The following KDM7A variants were observed in gnomAD, a reference collection of about 807,000 sequenced individuals.
KDM7A encodes the protein lysine demethylase 7A, also known as lysine-specific demethylase 7A.
A neutral mutation model predicts 114.8 loss-of-function variants in KDM7A; 28 were observed. The ratio of observed to expected loss-of-function variants is 0.24; its 90% CI spans 0.18 to 0.33. The LOEUF (loss-of-function observed/expected upper bound fraction) is 0.33, where lower values mean the gene tolerates loss of function less well. Ranked by LOEUF, KDM7A falls within the 10% of genes least tolerant of loss-of-function variation. KDM7A has a pLI of 1.00. For synonymous variants in KDM7A, 423 were observed against 397.8 expected, an observed-to-expected ratio of 1.06 and a Z score of -0.75; for missense variants, 942 against 1,142.5, an observed-to-expected ratio of 0.82 and a Z score of 2.53.
intron 1 of KDM7A, among the ~76,000 whole-genome samples, chr7:140,166,527 G>A (rs567288814): frequency 9.9e-5 from 15 of 151,684 alleles, no homozygotes; most frequent in East Asian, 1.9e-4. Flanking sequence ...TTTTGTAGAC[G>A]GAGGCTCGTC....
Position 140,088,429 on chromosome 7 carries a change from A to G in KDM7A, c.*2665T>C, listed in dbSNP as rs1392778818. The G allele has an allele frequency of 2.5e-6, 1 of 397,986 alleles. No individual in the cohort carries two copies. The highest frequency in any genetic ancestry group is 2.1e-5 in the African/African-American group (1 of 48,602). 24.7% of individuals were successfully genotyped at this position (397,986 alleles called of 1,614,324 possible). A position where few individuals can be genotyped will look rare whatever the true frequency, so the allele number is the denominator to read the frequency against. ...ATAATTCTCAATTTTACATATTTGT[A>G]TTTGGTTACAACTAGCTAAATGCTA... On this transcript the variant is annotated 3_prime_UTR_variant, in exon 20 of 20. Coordinates refer to ENST00000397560, the MANE Select transcript of KDM7A (RefSeq NM_030647.2).
chr7:140,151,792 C>T (rs947070410), intron 1 of KDM7A, among the ~76,000 whole-genome samples: 26 of 152,124 alleles, frequency 1.7e-4, no homozygotes, highest in African/African-American at 6.3e-4. Flanking sequence ...TAAATAGGAT[C>T]TTTAAAAGAT....
At chr7:140,100,711 C>CGT (rs1818200108) in intron 12 of KDM7A, among the ~76,000 whole-genome samples, 3 of 56,984 alleles carry the variant, frequency 5.3e-5, no homozygotes, top group South Asian at 6.7e-4. Flanking sequence ...TATATATACA[C>CGT]ATATATATAT....
Position 140,084,854 on chromosome 7 carries a change from A to G in KDM7A, c.*6240T>C, listed in dbSNP as rs1817896601. 6.6e-6 allele frequency: 1 copy of G among 152,194 alleles called. No individual in the cohort carries two copies. Among genetic ancestry groups the G allele is most frequent in the South Asian group, 2.1e-4 (1 of 4,836 alleles). The allele number at this position is 152,194 out of a possible 1,614,324, so 9.4% of individuals were successfully genotyped here. A position where few individuals can be genotyped will look rare whatever the true frequency, so the allele number is the denominator to read the frequency against. On this transcript the variant is annotated 3_prime_UTR_variant, in exon 20 of 20. Coordinates refer to ENST00000397560, the MANE Select transcript of KDM7A (RefSeq NM_030647.2). ...AAAAAATACACTAAGTGCTAAAAAAATCAAAACAGAAGTAATACAATTTTA... is the reference window on the plus strand; with the variant it reads ...AAAAAATACACTAAGTGCTAAAAAAGTCAAAACAGAAGTAATACAATTTTA...
At chr7:140,169,451 A>C (rs1418693200) in intron 1 of KDM7A, among the ~76,000 whole-genome samples, 1 of 152,178 alleles carries the variant, frequency 6.6e-6, no homozygotes, top group Non-Finnish European at 1.5e-5. Context: ...GGATGATCAG[A>C]AAACTCGATT....
intron 2 of KDM7A, among the ~76,000 whole-genome samples, chr7:140,134,683 T>C (rs948851403): frequency 2.0e-5 from 3 of 152,156 alleles, no homozygotes; most frequent in Admixed American, 1.3e-4. Flanking sequence ...GACAGCAGAA[T>C]AGTTACATGG....
chr7:140,151,778 G>C (rs1363831241), intron 1 of KDM7A, among the ~76,000 whole-genome samples: 1 of 152,108 alleles, frequency 6.6e-6, no homozygotes, highest in Non-Finnish European at 1.5e-5. Flanking sequence ...GATTATAAAT[G>C]AAATAAATAG....
At position 140,127,537 on chromosome 7, in the gene KDM7A, G is replaced by A. The variant is rs1401752743; in HGVS notation, c.606C>T (p.Asp202=). 1 of 1,613,618 alleles carries A rather than the reference G, an allele frequency of 6.2e-7. No individual in the cohort carries two copies. Among genetic ancestry groups the A allele is most frequent in the Non-Finnish European group, 8.5e-7 (1 of 1,179,692 alleles). The change falls in exon 5 of 20, where the codon GAC becomes GAT. Residue 202 remains aspartate (D), a synonymous_variant. Transcript: ENST00000397560. ...IDVIDVARQA[D]SKMTLHNYVK... is the part of the protein sequence containing the mutation. ...CATAATTGTGAAGTGTCATTTTGCT[G>A]TCTGCCTGCCTCGCCACATCAATGA... is the stretch of plus-strand genomic sequence containing the variant.
In KDM7A at chr7:140,090,897, TC is replaced by T. The variant is rs1333321485; in HGVS notation, c.*196del. ...TAAGGTTCTACCCTCCTTCTTCCTCTCCCCCACCAGGTCCAAAATGGTTATT... is the reference window on the plus strand; with the variant it reads ...TAAGGTTCTACCCTCCTTCTTCCTCTCCCCACCAGGTCCAAAATGGTTATT... On this transcript the variant is annotated 3_prime_UTR_variant, in exon 20 of 20. Coordinates refer to ENST00000397560, the MANE Select transcript of KDM7A (RefSeq NM_030647.2). 6 of 548,782 alleles carry T rather than the reference TC, an allele frequency of 1.1e-5. No individual in the cohort carries two copies. Among genetic ancestry groups the T allele is most frequent in the Non-Finnish European group, 2.0e-5 (6 of 306,202 alleles). 34.0% of individuals were successfully genotyped at this position (548,782 alleles called of 1,614,324 possible). A position where few individuals can be genotyped will look rare whatever the true frequency, so the allele number is the denominator to read the frequency against.
chr7:140,109,663 T>C (rs1003600316), intron 11 of KDM7A, among the ~76,000 whole-genome samples: 3 of 152,238 alleles, frequency 2.0e-5, no homozygotes, highest in African/African-American at 4.8e-5. Flanking sequence ...CAAAATGATA[T>C]GTTTATACTG....
At chr7:140,142,265 AG>A (rs1036287459) in intron 1 of KDM7A, among the ~76,000 whole-genome samples, 1 of 151,412 alleles carries the variant, frequency 6.6e-6, no homozygotes, top group Non-Finnish European at 1.5e-5. Flanking sequence ...ACTGTCCATA[AG>A]GGGGAAAACT....
At position 140,120,435 on chromosome 7, in the gene KDM7A, C is replaced by G. The variant is rs1433203287; in HGVS notation, c.1139+7G>C. On this transcript the variant is annotated splice_region_variant and intron_variant, in intron 8 of 19. Coordinates refer to ENST00000397560, the MANE Select transcript of KDM7A (RefSeq NM_030647.2). ...CAAAAGGTCATTTAAATACTGATGA[C>G]ACAAACCTGAGCTGCATGCCAATGT... is the stretch of plus-strand genomic sequence containing the variant. The G allele has an allele frequency of 3.2e-6, 5 of 1,585,814 alleles. No homozygotes were observed. The highest frequency in any genetic ancestry group is 3.5e-6 in the Non-Finnish European group (4 of 1,154,610).
At chr7:140,150,483 G>A (rs990593109) in intron 1 of KDM7A, among the ~76,000 whole-genome samples, 1 of 152,178 alleles carries the variant, frequency 6.6e-6, no homozygotes, top group Non-Finnish European at 1.5e-5. Context: ...ATGCAGCTCT[G>A]TAAGTAGGAA....
At chr7:140,115,315 T>A (rs1818508301) in intron 9 of KDM7A, among the ~76,000 whole-genome samples, 1 of 152,202 alleles carries the variant, frequency 6.6e-6, no homozygotes, top group Non-Finnish European at 1.5e-5. Flanking sequence ...CTCATTGAGA[T>A]CGGGCCATGA....
chr7:140,086,321 A>C lies in KDM7A; in HGVS notation c.*4773T>G, dbSNP rs948882152. 1 of 152,232 alleles carries C rather than the reference A, an allele frequency of 6.6e-6. No individual in the cohort carries two copies. The highest frequency in any genetic ancestry group is 1.5e-5 in the Non-Finnish European group (1 of 68,058). The allele number at this position is 152,232 out of a possible 1,614,324, so 9.4% of individuals were successfully genotyped here. On this transcript the variant is annotated 3_prime_UTR_variant, in exon 20 of 20. Coordinates refer to ENST00000397560, the MANE Select transcript of KDM7A (RefSeq NM_030647.2). ...TTAAGACAAAGTCTTAAGACACTAGAAGGGGCACCAGGGGGAAGGGGAGAA... is the reference window on the plus strand; with the variant it reads ...TTAAGACAAAGTCTTAAGACACTAGCAGGGGCACCAGGGGGAAGGGGAGAA...
At chr7:140,115,821 TAAAA>T (rs35674371) in intron 9 of KDM7A, among the ~76,000 whole-genome samples, 1,473 of 117,832 alleles carry the variant, frequency 0.013, 22 homozygotes, top group African/African-American at 0.043. Flanking sequence ...AATAAATAAA[TAAAA>T]AAAAATAAAA....
In KDM7A at chr7:140,114,038, CA is replaced by C. The variant is rs1401102568; in HGVS notation, c.1247-457del. On this transcript the variant is annotated intron_variant, in intron 9 of 19. Transcript: ENST00000397560. The stretch of plus-strand genomic sequence containing the variant: ...GGATGGGAAAAAGATACCAAGCTTC[CA>C]AAAGAAAGGGGGTGTAACTGTCACT... Among the ~76,000 whole-genome samples, 3 of 152,106 alleles carry C rather than the reference CA, an allele frequency of 2.0e-5. No individual in the cohort carries two copies. The East Asian group carries it at 5.8e-4, about 29-fold the overall frequency.
chr7:140,126,569 A>C (rs772396372), intron 6 of KDM7A, 68 bp downstream of exon 6: 117 of 956,154 alleles, frequency 1.2e-4, no homozygotes, highest in Non-Finnish European at 1.5e-4. Flanking sequence ...CAAGAAATGA[A>C]TATACCACTG....
chr7:140,120,340 GA>G, intron 8 of KDM7A, 101 bp downstream of exon 8: 1 of 655,832 alleles, frequency 1.5e-6, no homozygotes. Flanking sequence ...TATTTCCATG[GA>G]ATCTCAAATA....
Sources: allele counts gnomAD v4.1 joint callset (sites outside exome capture counted in the v4.1 genomes callset), GRCh38; gene constraint gnomAD v4.1.1; transcripts MANE v1.5; gene names NCBI Gene and HGNC (gene_info 2026-07-23, HGNC 2026-07-21).